Variants in ARHGAP32 observed in about 807,000 individuals in gnomAD.
The protein encoded by ARHGAP32 is Rho GTPase activating protein 32.
ARHGAP32 carries 51 observed loss-of-function variants against 186.5 expected under a neutral mutation model. The observed-to-expected ratio is 0.27, with a 90% CI of 0.22 to 0.35. The LOEUF is 0.35. ARHGAP32 is among the 10% of genes least tolerant of loss of function. The pLI is 1.00. For missense variants in ARHGAP32, 2,186 were observed against 2,623.5 expected (o/e 0.83, Z 3.64); for synonymous variants, 950 against 964.3 (o/e 0.99, Z 0.27).
intron 12 of ARHGAP32, among the ~76,000 whole-genome samples, chr11:128,993,623 T>C (rs1946122332): frequency 6.6e-6 from 1 of 151,918 alleles, no homozygotes. Flanking sequence ...TCTCTATATA[T>C]ATTTGTATGT....
chr11:129,110,986 G>A (rs1042712192), intron 5 of ARHGAP32, among the ~76,000 whole-genome samples: 7 of 152,100 alleles, frequency 4.6e-5, no homozygotes, highest in Non-Finnish European at 8.8e-5. Context: ...GGAAAAGTTG[G>A]CATCCTTGTC....
At chr11:129,210,451 T>C (rs1481882548) in intron 1 of ARHGAP32, among the ~76,000 whole-genome samples, 2 of 152,328 alleles carry the variant, frequency 1.3e-5, no homozygotes, top group African/African-American at 2.4e-5. Context: ...AACTGAAGCA[T>C]GCCCAAGGTC....
chr11:128,985,848 G>GTATA (rs1167659994), intron 15 of ARHGAP32, 155 bp downstream of exon 15: 2 of 128,774 alleles, frequency 1.6e-5, no homozygotes, highest in Admixed American at 9.4e-5. Context: ...GTGTGTGTGT[G>GTATA]TGTGTGTGTG....
chr11:129,038,073 C>T (rs1190902658), intron 11 of ARHGAP32, among the ~76,000 whole-genome samples: 1 of 151,840 alleles, frequency 6.6e-6, no homozygotes, highest in African/African-American at 2.4e-5. Flanking sequence ...TGCACTCCAA[C>T]CTGGGTGACA....
chr11:129,057,072 T>C (rs1177934821), intron 10 of ARHGAP32, among the ~76,000 whole-genome samples: 3 of 152,148 alleles, frequency 2.0e-5, no homozygotes, highest in African/African-American at 7.2e-5. Context: ...GGTTCACATG[T>C]AACCAGAGCC....
intron 1 of ARHGAP32, among the ~76,000 whole-genome samples, chr11:129,262,347 C>T (rs1945333063): frequency 1.3e-5 from 2 of 151,830 alleles, no homozygotes; most frequent in South Asian, 4.2e-4. Context: ...TTCATTTAAC[C>T]CACCTTACAA....
At position 128,974,954 on chromosome 11, in the gene ARHGAP32, G is replaced by C. The variant is rs1226252173; in HGVS notation, c.2243C>G (p.Ala748Gly). Residue 748 changes from alanine to glycine, a missense_variant, in exon 21 of 23, where the codon GCA becomes GGA. By Grantham distance (60) the Ala-to-Gly change is moderately conservative (BLOSUM62 0). Transcript: ENST00000682385. ...TTCTCCATTAAAAGAGGCAGACAGT[G>C]CATCACTGGAAGATCTGGGTCTTCT... ...RPRRPRSSSD[A>G]LSASFNGEML... 2 of 1,613,190 alleles carry C rather than the reference G, an allele frequency of 1.2e-6. No homozygotes were observed. Among genetic ancestry groups the C allele is most frequent in the South Asian group, 2.2e-5 (2 of 90,710 alleles).
chr11:129,245,278 G>A (rs1361953654), intron 1 of ARHGAP32, among the ~76,000 whole-genome samples: 1 of 145,766 alleles, frequency 6.9e-6, no homozygotes, highest in Non-Finnish European at 1.5e-5. Context: ...CATAAAAAAT[G>A]ATGAGTTCAT....
chr11:128,971,885 C>T (rs1591484379), intron 22 of ARHGAP32: 1 of 152,424 alleles, frequency 6.6e-6, no homozygotes, highest in East Asian at 1.9e-4. Flanking sequence ...TACATTCTCT[C>T]ATTGAAACAG....
At chr11:129,194,558 G>A (rs1368190583), upstream of ARHGAP32, among the ~76,000 whole-genome samples, 1 of 152,122 alleles carries the variant, frequency 6.6e-6, no homozygotes, top group Non-Finnish European at 1.5e-5. Context: ...GGAGTTAGGA[G>A]AAACAAATGC....
intron 11 of ARHGAP32, among the ~76,000 whole-genome samples, chr11:129,028,167 G>A (rs1369387223): frequency 8.5e-5 from 13 of 152,140 alleles, no homozygotes; most frequent in African/African-American, 4.8e-5. Context: ...ACAAAACCAC[G>A]CAGGTGGGGA....
intron 6 of ARHGAP32, among the ~76,000 whole-genome samples, chr11:129,081,798 A>G (rs888462881): frequency 6.6e-6 from 1 of 152,066 alleles, no homozygotes; most frequent in Non-Finnish European, 1.5e-5. Flanking sequence ...ACTGGTAAAG[A>G]GGAAGTCAAA....
intron 1 of ARHGAP32, among the ~76,000 whole-genome samples, chr11:129,164,759 T>C (rs1221403765): frequency 6.6e-6 from 1 of 152,192 alleles, no homozygotes; most frequent in Admixed American, 6.5e-5. Context: ...TTACTCTGAA[T>C]CAATATTTAC....
chr11:129,211,833 G>A (rs1944585917), intron 1 of ARHGAP32, among the ~76,000 whole-genome samples: 2 of 152,148 alleles, frequency 1.3e-5, no homozygotes, highest in African/African-American at 4.8e-5. Context: ...AATAATTCAA[G>A]TGAAAGAAAT....
intron 1 of ARHGAP32, among the ~76,000 whole-genome samples, chr11:129,200,633 T>A (rs1223454757): frequency 1.3e-5 from 2 of 152,204 alleles, no homozygotes; most frequent in Non-Finnish European, 2.9e-5. Flanking sequence ...TATGTCTTTA[T>A]CAGCAGCATG....
chr11:128,974,205 C>A lies in ARHGAP32; in HGVS notation c.2992G>T (p.Glu998Ter). Residue 998 changes from glutamate to a stop codon, truncating the protein, a stop_gained, in exon 21 of 23, where the codon GAA becomes TAA. Coordinates refer to ENST00000682385, the MANE Select transcript of ARHGAP32 (RefSeq NM_001378024.1). LOFTEE classifies it high-confidence loss of function. ...VQPLDQVAAE[E>*]VELPGKEDQS... ...TCCTCTTTCCCTGGCAATTCTACTT[C>A]TTCAGCAGCCACCTGGTCCAGGGGC... The A allele has an allele frequency of 6.2e-7, 1 of 1,614,240 alleles. No homozygotes were observed. Among genetic ancestry groups the A allele is most frequent in the Non-Finnish European group, 8.5e-7 (1 of 1,180,044 alleles).
At chr11:129,094,455 A>G (rs1210489001) in intron 5 of ARHGAP32, among the ~76,000 whole-genome samples, 1 of 152,244 alleles carries the variant, frequency 6.6e-6, no homozygotes, top group East Asian at 1.9e-4. Flanking sequence ...AGCTACCGAC[A>G]TGTAGAAGCT....
intron 1 of ARHGAP32, among the ~76,000 whole-genome samples, chr11:129,182,688 G>A (rs1250589184): frequency 6.6e-6 from 1 of 151,250 alleles, no homozygotes. Flanking sequence ...CTATTTCCAG[G>A]GCTGGAGGGC....
In ARHGAP32 at chr11:128,975,021, A is replaced by T. The variant is rs1164330308; in HGVS notation, c.2195-19T>A. On this transcript the variant is annotated intron_variant, in intron 20 of 22. Transcript: ENST00000682385. ...GAATCACCTGGAAAAAATGAATAAC[A>T]GTGTCAAAGTAAGAACATCGTAGAT... is the stretch of plus-strand genomic sequence containing the variant. 12 of 1,582,082 alleles carry T rather than the reference A, an allele frequency of 7.6e-6. No homozygotes were observed. The highest frequency in any genetic ancestry group is 1.0e-5 in the Non-Finnish European group (12 of 1,165,194).
Sources: allele counts gnomAD v4.1 joint callset (sites outside exome capture counted in the v4.1 genomes callset), GRCh38; gene constraint gnomAD v4.1.1; transcripts MANE v1.5; gene names NCBI Gene and HGNC (gene_info 2026-07-23, HGNC 2026-07-21).